Variants in AFF3 observed in about 807,000 individuals in gnomAD.
The protein encoded by AFF3 is AF4/FMR2 family member 3.
Under a neutral mutation model 129.7 loss-of-function variants are expected in AFF3, and 32 were observed. The observed-to-expected ratio is 0.25, with a 90% confidence interval of 0.19 to 0.33. The LOEUF is 0.33. AFF3 is among the 10% of genes least tolerant of loss of function. The pLI, the probability that AFF3 is intolerant of heterozygous loss-of-function variation, is 1.00. For synonymous variants in AFF3, 644 were observed against 635.4 expected (o/e 1.01, Z -0.20); for missense variants, 1,373 against 1,592.0 (o/e 0.86, Z 2.34).
intron 8 of AFF3, among the ~76,000 whole-genome samples, chr2:99,762,070 C>G (rs900328441): frequency 6.6e-6 from 1 of 151,926 alleles, no homozygotes; most frequent in East Asian, 1.9e-4. Context: ...TGAAGGTGAC[C>G]TGTGCTACCC....
chr2:99,761,837 C>T (rs1197173784), intron 8 of AFF3, among the ~76,000 whole-genome samples: 2 of 152,156 alleles, frequency 1.3e-5, no homozygotes, highest in Non-Finnish European at 2.9e-5. Flanking sequence ...TCCAAAGTTT[C>T]CAGTGACCCC....
intron 4 of AFF3, among the ~76,000 whole-genome samples, chr2:100,046,783 CCA>C (rs765338169): frequency 7.2e-5 from 11 of 152,078 alleles, no homozygotes; most frequent in Non-Finnish European, 1.5e-4. Context: ...AACCAGACTC[CCA>C]CACACTCTCA....
intron 8 of AFF3, among the ~76,000 whole-genome samples, chr2:99,772,940 T>C (rs375997173): frequency 1.1e-4 from 17 of 152,370 alleles, no homozygotes; most frequent in African/African-American, 3.1e-4. Context: ...TGCCTGGCCA[T>C]TGAGTGTCTC....
chr2:100,027,319 T>C (rs1339743557), intron 4 of AFF3, among the ~76,000 whole-genome samples: 1 of 152,180 alleles, frequency 6.6e-6, no homozygotes, highest in African/African-American at 2.4e-5. Context: ...AGCTGCATTA[T>C]TCCCCAGGAT....
intron 7 of AFF3, among the ~76,000 whole-genome samples, chr2:99,922,509 A>G (rs1695927646): frequency 6.6e-6 from 1 of 152,224 alleles, no homozygotes; most frequent in African/African-American, 2.4e-5. Context: ...CTACAAAATT[A>G]TAGTTAAGTA....
intron 8 of AFF3, among the ~76,000 whole-genome samples, chr2:99,807,626 G>C: frequency 6.6e-6 from 1 of 152,140 alleles, no homozygotes; most frequent in East Asian, 1.9e-4. Flanking sequence ...CTTGACATCT[G>C]GTAAAATAAG....
At chr2:99,619,002 C>A (rs1332908653) in intron 13 of AFF3, among the ~76,000 whole-genome samples, 1 of 152,150 alleles carries the variant, frequency 6.6e-6, no homozygotes, top group Admixed American at 6.5e-5. Context: ...CCAGCTTGGC[C>A]TCCCAAAATG....
chr2:99,689,313 T>G (rs766148140), intron 11 of AFF3, among the ~76,000 whole-genome samples: 7 of 152,146 alleles, frequency 4.6e-5, no homozygotes, highest in Non-Finnish European at 1.0e-4. Context: ...GTCCCAGCCC[T>G]GTAACTCAAT....
intron 10 of AFF3, among the ~76,000 whole-genome samples, chr2:99,740,377 G>A (rs1680622568): frequency 6.6e-6 from 1 of 151,364 alleles, no homozygotes; most frequent in South Asian, 2.1e-4. Context: ...AGATCCCTGA[G>A]GAATCGCCAC....
intron 4 of AFF3, among the ~76,000 whole-genome samples, chr2:100,032,411 AGAGT>A (rs2104967963): frequency 6.7e-6 from 1 of 149,072 alleles, no homozygotes; most frequent in East Asian, 2.0e-4. Flanking sequence ...CCTGGGCAAC[AGAGT>A]GAGACTCTGT....
At chr2:99,711,485 G>T (rs1211527865) in intron 11 of AFF3, among the ~76,000 whole-genome samples, 1 of 152,164 alleles carries the variant, frequency 6.6e-6, no homozygotes, top group Non-Finnish European at 1.5e-5. Flanking sequence ...GCCTGAGAAG[G>T]GGTCAGCATT....
chr2:99,852,791 G>T (rs1225202190), intron 7 of AFF3, among the ~76,000 whole-genome samples: 2 of 152,112 alleles, frequency 1.3e-5, no homozygotes, highest in South Asian at 4.1e-4. Context: ...CATATCACAA[G>T]GTATAATGAG....
intron 11 of AFF3, among the ~76,000 whole-genome samples, chr2:99,699,196 G>A (rs867383998): frequency 6.6e-5 from 10 of 152,168 alleles, no homozygotes; most frequent in Admixed American, 2.6e-4. Flanking sequence ...GTTTTCCTAT[G>A]AATGCAAAGA....
chr2:100,044,870 TA>T (rs1029852227), intron 4 of AFF3, among the ~76,000 whole-genome samples: 1 of 151,960 alleles, frequency 6.6e-6, no homozygotes, highest in Non-Finnish European at 1.5e-5. Context: ...GTACTATTTC[TA>T]AACCTGGGGG....
intron 4 of AFF3, among the ~76,000 whole-genome samples, chr2:100,021,114 T>C (rs1408090158): frequency 6.6e-6 from 1 of 152,200 alleles, no homozygotes. Flanking sequence ...CTTGGGAACA[T>C]TCCCAGACTC....
At chr2:99,670,156 T>TAGA in intron 12 of AFF3, among the ~76,000 whole-genome samples, 1 of 152,192 alleles carries the variant, frequency 6.6e-6, no homozygotes, top group Non-Finnish European at 1.5e-5. Flanking sequence ...GCCGCTGTGC[T>TAGA]CTTAACCACT....
At chr2:99,826,266 C>G (rs1318086601) in intron 8 of AFF3, among the ~76,000 whole-genome samples, 1 of 152,250 alleles carries the variant, frequency 6.6e-6, no homozygotes, top group Non-Finnish European at 1.5e-5. Flanking sequence ...CCACCTGCCT[C>G]GGCCTCCCAA....
chr2:99,785,586 C>G (rs1684730846), intron 8 of AFF3, among the ~76,000 whole-genome samples: 1 of 152,094 alleles, frequency 6.6e-6, no homozygotes, highest in Non-Finnish European at 1.5e-5. Context: ...CCTTAGATTT[C>G]TTTTACTTAA....
At chr2:99,847,059 A>G (rs767549910) in intron 7 of AFF3, among the ~76,000 whole-genome samples, 10 of 152,190 alleles carry the variant, frequency 6.6e-5, no homozygotes, top group Non-Finnish European at 1.0e-4. Context: ...ACTGGAAAAC[A>G]TGAGTGAGAA....
Sources: gnomAD v4.1 joint callset for allele counts (sites outside exome capture counted in the v4.1 genomes callset) on GRCh38, gnomAD v4.1.1 for gene constraint, MANE v1.5 for transcripts, NCBI Gene and HGNC (gene_info 2026-07-23, HGNC 2026-07-21) for gene names.